PDE4B: variants seen among roughly 807,000 people sequenced by gnomAD.
PDE4B encodes phosphodiesterase 4B, also known as 3',5'-cyclic-AMP phosphodiesterase 4B.
PDE4B carries 20 observed loss-of-function variants against 82.2 expected under a neutral mutation model. That is an observed-to-expected ratio of 0.24 (90% CI 0.17 to 0.35). PDE4B has a LOEUF of 0.35. Ranked by LOEUF, PDE4B falls within the 10% of genes least tolerant of loss-of-function variation. The probability of loss-of-function intolerance (pLI) is 1.00; values close to 1 mark genes in which losing one functional copy is unlikely to be tolerated. For missense variants in PDE4B, 655 were observed against 907.2 expected (o/e 0.72, Z 3.57); for synonymous variants, 320 against 318.9 (o/e 1.00, Z -0.04).
intron 2 of PDE4B, among the ~76,000 whole-genome samples, chr1:65,914,612 A>C (rs541550127): frequency 6.6e-6 from 1 of 152,108 alleles, no homozygotes; most frequent in African/African-American, 2.4e-5. Flanking sequence ...TTAAAAAAAA[A>C]AAAAAAGGCT....
intron 4 of PDE4B, among the ~76,000 whole-genome samples, chr1:66,256,964 G>A (rs560684844): frequency 1.3e-5 from 2 of 152,256 alleles, no homozygotes; most frequent in African/African-American, 4.8e-5. Context: ...GAGAGACAGT[G>A]TGCACTTCTG....
At chr1:66,365,546 T>C (rs1280351128) in intron 12 of PDE4B, 121 bp from the exon 13 acceptor site, 10 of 565,650 alleles carry the variant, frequency 1.8e-5, no homozygotes, top group Non-Finnish European at 3.3e-5. Context: ...TATATTGAGA[T>C]ATTACATAAA....
chr1:66,307,886 A>C (rs896342876), intron 7 of PDE4B, among the ~76,000 whole-genome samples: 1 of 152,144 alleles, frequency 6.6e-6, no homozygotes, highest in African/African-American at 2.4e-5. Context: ...CCATTTGCTG[A>C]ATGAAGGAGT....
At chr1:66,011,262 T>A (rs1306395187) in intron 3 of PDE4B, among the ~76,000 whole-genome samples, 1 of 151,398 alleles carries the variant, frequency 6.6e-6, no homozygotes, top group East Asian at 1.9e-4. Flanking sequence ...TCTTTAGCTC[T>A]ATTTCTATGG....
intron 3 of PDE4B, among the ~76,000 whole-genome samples, chr1:65,920,687 T>A (rs1647219900): frequency 6.6e-6 from 1 of 152,208 alleles, no homozygotes; most frequent in African/African-American, 2.4e-5. Flanking sequence ...ATGTTGATTT[T>A]TGTCCTCTTG....
intron 8 of PDE4B, among the ~76,000 whole-genome samples, chr1:66,341,732 A>G (rs201420713): frequency 2.0e-5 from 3 of 152,168 alleles, no homozygotes; most frequent in Non-Finnish European, 4.4e-5. Context: ...GGAAAGTTTT[A>G]CCACTTGGAT....
At chr1:66,012,869 T>C (rs1398461963) in intron 3 of PDE4B, among the ~76,000 whole-genome samples, 1 of 152,136 alleles carries the variant, frequency 6.6e-6, no homozygotes, top group East Asian at 1.9e-4. Context: ...AGTAACACTA[T>C]ATGTCAGGCA....
chr1:65,968,212 T>C (rs1422850398), intron 3 of PDE4B, among the ~76,000 whole-genome samples: 1 of 152,104 alleles, frequency 6.6e-6, no homozygotes, highest in Non-Finnish European at 1.5e-5. Context: ...CTTCTCCTTG[T>C]GGCTCCATTT....
rs111341067 is a variant in PDE4B, at chr1:66,058,123, A to G, written c.281+139288A>G. Among the ~76,000 whole-genome samples the G allele has an allele frequency of 8.7e-3, 1,329 of 152,310 alleles. 19 individuals carry two copies. Among genetic ancestry groups the G allele is most frequent in the African/African-American group, 0.03 (1,245 of 41,566 alleles). On this transcript the variant is annotated intron_variant, in intron 3 of 16. Transcript: ENST00000341517. ...AGAAATTGGCCAAAACAGAGGGGCT[A>G]CAGGCCCCATGTAAGTCTGAAATCC...
intron 7 of PDE4B, among the ~76,000 whole-genome samples, chr1:66,309,736 G>A (rs1001892742): frequency 2.6e-5 from 4 of 152,128 alleles, no homozygotes; most frequent in Non-Finnish European, 1.5e-5. Flanking sequence ...GGAGATCATA[G>A]CATTTGTTAG....
chr1:66,122,137 C>T (rs918148569), intron 3 of PDE4B, among the ~76,000 whole-genome samples: 1 of 152,120 alleles, frequency 6.6e-6, no homozygotes, highest in Non-Finnish European at 1.5e-5. Context: ...ATTGTAGAAC[C>T]CTGAAATAGC....
chr1:65,792,967 C>T lies in PDE4B; in HGVS notation c.-352C>T, dbSNP rs1645588271. ...CCCTGGCGCGGGTTCCCCAGGCTAG[C>T]CCGCTGGCCCGTCCGCGCGCGCGCC... On this transcript the variant is annotated 5_prime_UTR_variant, in exon 1 of 17. Coordinates refer to ENST00000341517, the MANE Select transcript of PDE4B (RefSeq NM_002600.4). Among the ~76,000 whole-genome samples the T allele has an allele frequency of 6.6e-6, 1 of 151,816 alleles. No homozygotes were observed. Among genetic ancestry groups the T allele is most frequent in the Admixed American group, 6.6e-5 (1 of 15,252 alleles).
chr1:66,194,795 C>T (rs1648145485), intron 3 of PDE4B, among the ~76,000 whole-genome samples: 1 of 152,050 alleles, frequency 6.6e-6, no homozygotes, highest in Non-Finnish European at 1.5e-5. Context: ...AGGACAAGGG[C>T]CATTTCTTAT....
intron 12 of PDE4B, 51 bp downstream of exon 12, chr1:66,363,622 G>A: frequency 6.8e-7 from 1 of 1,469,294 alleles, no homozygotes; most frequent in Non-Finnish European, 9.4e-7. Flanking sequence ...CTTCAAAAAT[G>A]CCATATCAGC....
chr1:66,199,108 T>C (rs945769958), intron 3 of PDE4B, among the ~76,000 whole-genome samples: 48 of 151,836 alleles, frequency 3.2e-4, no homozygotes, highest in Non-Finnish European at 5.1e-4. Context: ...TGATTTATAG[T>C]CCTTTGGGTA....
chr1:65,812,868 T>G (rs541531907), intron 1 of PDE4B, among the ~76,000 whole-genome samples: 22 of 152,290 alleles, frequency 1.4e-4, no homozygotes, highest in African/African-American at 4.6e-4. Flanking sequence ...ATTCTCTAGC[T>G]TCTTTATTTC....
chr1:66,162,754 G>A lies in PDE4B; in HGVS notation c.282-84706G>A, dbSNP rs75195776. Reference sequence around the variant, plus strand: ...AGATTTTGGAGCATTTCAGAATTGCGGTTTTTGGATTTGAGATGCTTCATC... The same window carrying A: ...AGATTTTGGAGCATTTCAGAATTGCAGTTTTTGGATTTGAGATGCTTCATC... On this transcript the variant is annotated intron_variant, in intron 3 of 16. Coordinates refer to ENST00000341517, the MANE Select transcript of PDE4B (RefSeq NM_002600.4). Among the ~76,000 whole-genome samples, 1,117 of 152,234 alleles carry A rather than the reference G, an allele frequency of 7.3e-3. 14 individuals are homozygous for A. Among genetic ancestry groups the A allele is most frequent in the African/African-American group, 0.025 (1,056 of 41,526 alleles).
intron 3 of PDE4B, among the ~76,000 whole-genome samples, chr1:66,144,096 C>T (rs1297251683): frequency 6.6e-6 from 1 of 152,128 alleles, no homozygotes; most frequent in Non-Finnish European, 1.5e-5. Flanking sequence ...AATAGTTGAG[C>T]AGAAAAGTTG....
intron 3 of PDE4B, among the ~76,000 whole-genome samples, chr1:65,988,635 A>ATT (rs11307637): frequency 7.1e-4 from 107 of 151,574 alleles, no homozygotes; most frequent in Non-Finnish European, 1.0e-3. Context: ...TCTTTTAAAG[A>ATT]TTTTTTTTTA....
Sources: allele counts gnomAD v4.1 joint callset (sites outside exome capture counted in the v4.1 genomes callset), GRCh38; gene constraint gnomAD v4.1.1; transcripts MANE v1.5; gene names NCBI Gene and HGNC (gene_info 2026-07-23, HGNC 2026-07-21).